Variants in SUMF1 observed in about 807,000 individuals in gnomAD.
The protein encoded by SUMF1 is sulfatase modifying factor 1.
Under a neutral mutation model 47.6 loss-of-function variants are expected in SUMF1, and 48 were observed. The observed-to-expected ratio is 1.01, with a 90% CI of 0.80 to 1.28. The LOEUF (loss-of-function observed/expected upper bound fraction) is 1.28, where lower values mean the gene tolerates loss of function less well. Ranked by LOEUF, SUMF1 falls within the 50% of genes most tolerant of loss-of-function variation. The pLI, the probability that SUMF1 is intolerant of heterozygous loss-of-function variation, is 0.00. For missense variants in SUMF1, 571 were observed against 485.4 expected (o/e 1.18, Z -1.66); for synonymous variants, 230 against 192.1 (o/e 1.20, Z -1.63).
At chr3:4,123,820 G>A (rs1365598920) in intron 8 of SUMF1, among the ~76,000 whole-genome samples, 1 of 152,094 alleles carries the variant, frequency 6.6e-6, no homozygotes, top group African/African-American at 2.4e-5. Flanking sequence ...TCTTGTATAT[G>A]ATATATATGG....
intron 8 of SUMF1, among the ~76,000 whole-genome samples, chr3:4,217,965 T>C (rs1468290378): frequency 6.6e-6 from 1 of 152,106 alleles, no homozygotes; most frequent in Non-Finnish European, 1.5e-5. Flanking sequence ...TGAAATCCTG[T>C]TACTTCAGTC....
intron 7 of SUMF1, among the ~76,000 whole-genome samples, chr3:4,386,805 G>A (rs923676308): frequency 2.0e-5 from 3 of 150,646 alleles, no homozygotes; most frequent in African/African-American, 7.3e-5. Flanking sequence ...GAGAATTTTT[G>A]TTATAAATGA....
At chr3:4,275,691 A>G (rs1697399995) in intron 8 of SUMF1, among the ~76,000 whole-genome samples, 1 of 152,182 alleles carries the variant, frequency 6.6e-6, no homozygotes, top group Admixed American at 6.5e-5. Context: ...GGGAGAAGAG[A>G]TGGATGTTTG....
At chr3:4,162,046 C>A (rs1422738107) in intron 8 of SUMF1, among the ~76,000 whole-genome samples, 1 of 152,098 alleles carries the variant, frequency 6.6e-6, no homozygotes, top group Non-Finnish European at 1.5e-5. Flanking sequence ...AGGACTGGGT[C>A]CTTTCTTTCA....
intron 8 of SUMF1, among the ~76,000 whole-genome samples, chr3:4,142,565 G>A (rs1459900758): frequency 1.3e-5 from 2 of 152,182 alleles, no homozygotes; most frequent in East Asian, 1.9e-4. Context: ...TTGTATACTC[G>A]ATAGTACCTA....
chr3:4,441,488 C>G (rs905683944), intron 3 of SUMF1, among the ~76,000 whole-genome samples: 25 of 152,158 alleles, frequency 1.6e-4, no homozygotes, highest in African/African-American at 6.0e-4. Context: ...GCCCCACATC[C>G]GAGGAAAAAC....
chr3:4,369,244 T>C (rs1412083407), intron 8 of SUMF1, among the ~76,000 whole-genome samples: 1 of 152,158 alleles, frequency 6.6e-6, no homozygotes, highest in African/African-American at 2.4e-5. Flanking sequence ...CAGTGAATAA[T>C]ATAACATTAG....
At chr3:4,452,187 G>A (rs793396) in intron 2 of SUMF1, among the ~76,000 whole-genome samples, 33,255 of 150,536 alleles carry the variant, frequency 0.22, 4,264 homozygotes, top group Non-Finnish European at 0.3. Context: ...AAGGTTTTTC[G>A]TGAGAGAAAA....
intron 8 of SUMF1, among the ~76,000 whole-genome samples, chr3:4,075,527 T>A (rs1276339966): frequency 1.3e-5 from 2 of 151,992 alleles, no homozygotes; most frequent in Non-Finnish European, 2.9e-5. Flanking sequence ...GGGTATTCAA[T>A]TAGGAAAAGA....
intron 8 of SUMF1, among the ~76,000 whole-genome samples, chr3:4,339,105 T>G (rs1699215715): frequency 6.6e-6 from 1 of 152,196 alleles, no homozygotes. Flanking sequence ...TACTCCCTCC[T>G]CATTCTGTGA....
intron 3 of SUMF1, among the ~76,000 whole-genome samples, chr3:4,443,648 C>G (rs13319907): frequency 0.28 from 42,409 of 151,812 alleles, 6,113 homozygotes; most frequent in South Asian, 0.46. Flanking sequence ...GCCTGTTGTC[C>G]CCACTACTTG....
intron 8 of SUMF1, among the ~76,000 whole-genome samples, chr3:4,181,560 A>G (rs944139314): frequency 6.6e-6 from 1 of 152,134 alleles, no homozygotes; most frequent in African/African-American, 2.4e-5. Flanking sequence ...TAGTCACACA[A>G]CTTCTCTGTA....
chr3:4,067,428 T>C (rs1482481827), intron 9 of SUMF1, among the ~76,000 whole-genome samples: 1 of 152,200 alleles, frequency 6.6e-6, no homozygotes, highest in Non-Finnish European at 1.5e-5. Context: ...CATCCCACTA[T>C]TCTGTTAAGT....
intron 8 of SUMF1, among the ~76,000 whole-genome samples, chr3:4,297,521 C>A (rs568220771): frequency 6.6e-6 from 1 of 151,914 alleles, no homozygotes; most frequent in South Asian, 2.1e-4. Context: ...AATCCTCCCA[C>A]CTCAGCCTCC....
intron 9 of SUMF1, among the ~76,000 whole-genome samples, chr3:4,047,484 C>T (rs1216315131): frequency 1.3e-5 from 2 of 152,114 alleles, no homozygotes; most frequent in Non-Finnish European, 2.9e-5. Context: ...GGCTTTAGAG[C>T]TCAATACTTT....
intron 8 of SUMF1, among the ~76,000 whole-genome samples, chr3:4,214,731 A>G (rs2125167203): frequency 6.6e-6 from 1 of 152,318 alleles, no homozygotes; most frequent in South Asian, 2.1e-4. Context: ...CTGATCCCAC[A>G]GAAATCCAAA....
intron 8 of SUMF1, among the ~76,000 whole-genome samples, chr3:4,251,478 C>T (rs1208382770): frequency 6.6e-6 from 1 of 152,178 alleles, no homozygotes; most frequent in Non-Finnish European, 1.5e-5. Context: ...AGAGGATTGA[C>T]TCAAATTTTG....
intron 8 of SUMF1, among the ~76,000 whole-genome samples, chr3:4,173,604 C>A (rs1378202611): frequency 6.6e-6 from 1 of 152,008 alleles, no homozygotes; most frequent in East Asian, 1.9e-4. Flanking sequence ...GCACTATTCA[C>A]AATAGTAAAG....
intron 8 of SUMF1, among the ~76,000 whole-genome samples, chr3:4,254,111 G>A (rs1230129266): frequency 2.6e-5 from 4 of 151,856 alleles, no homozygotes; most frequent in Admixed American, 2.0e-4. Context: ...AAACCCATCT[G>A]TACATCACCA....
Sources: allele counts gnomAD v4.1 joint callset (sites outside exome capture counted in the v4.1 genomes callset), GRCh38; gene constraint gnomAD v4.1.1; transcripts MANE v1.5; gene names NCBI Gene and HGNC (gene_info 2026-07-23, HGNC 2026-07-21).